CDK14: variants seen among roughly 807,000 people sequenced by gnomAD.
CDK14 encodes cyclin dependent kinase 14.
Under a neutral mutation model 60.7 loss-of-function variants are expected in CDK14, and 34 were observed. That is an observed-to-expected ratio of 0.56 (90% CI 0.43 to 0.75). CDK14 has a LOEUF of 0.75. Among genes scored for constraint, CDK14 ranks in the 30% least tolerant of loss-of-function variants. CDK14 has a pLI of 0.00. For missense variants in CDK14, 482 were observed against 564.1 expected, an observed-to-expected ratio of 0.85 and a Z score of 1.47; for synonymous variants, 197 against 203.7, an observed-to-expected ratio of 0.97 and a Z score of 0.28.
chr7:90,843,591 G>C (rs1471803651), intron 5 of CDK14, among the ~76,000 whole-genome samples: 1 of 152,142 alleles, frequency 6.6e-6, no homozygotes, highest in Non-Finnish European at 1.5e-5. Flanking sequence ...AGTCTCCTTA[G>C]TGCTGGGGCT....
chr7:90,875,302 A>G (rs1791519645), intron 6 of CDK14, among the ~76,000 whole-genome samples: 1 of 152,222 alleles, frequency 6.6e-6, no homozygotes, highest in African/African-American at 2.4e-5. Context: ...GCTGTTGTGA[A>G]TAGTGCTGCT....
intron 9 of CDK14, among the ~76,000 whole-genome samples, chr7:90,973,830 A>G (rs904069100): frequency 3.3e-5 from 5 of 152,140 alleles, no homozygotes. Context: ...GCAAGGGCAA[A>G]ATTAGAATTA....
intron 5 of CDK14, among the ~76,000 whole-genome samples, chr7:90,853,587 A>C (rs1431122381): frequency 6.6e-6 from 1 of 152,184 alleles, no homozygotes; most frequent in Non-Finnish European, 1.5e-5. Flanking sequence ...TGAGAGCCAT[A>C]GCACAGTGAT....
chr7:90,732,553 C>T (rs1401248653), intron 3 of CDK14, among the ~76,000 whole-genome samples: 1 of 152,136 alleles, frequency 6.6e-6, no homozygotes, highest in African/African-American at 2.4e-5. Flanking sequence ...TCTACTTCTT[C>T]CTGGTTTAGT....
chr7:90,912,258 C>A (rs1444602158), intron 7 of CDK14, among the ~76,000 whole-genome samples: 1 of 152,108 alleles, frequency 6.6e-6, no homozygotes, highest in Non-Finnish European at 1.5e-5. Flanking sequence ...AATTTGTCTT[C>A]TCTCATGTTA....
At chr7:90,955,875 G>T in intron 9 of CDK14, 58 bp downstream of exon 9, 1 of 1,593,486 alleles carries the variant, frequency 6.3e-7, no homozygotes, top group Non-Finnish European at 8.6e-7. Context: ...TCTGGGTCAA[G>T]CCTAGACAAA....
chr7:90,956,751 C>T (rs1454355289), intron 9 of CDK14, among the ~76,000 whole-genome samples: 1 of 151,098 alleles, frequency 6.6e-6, no homozygotes, highest in Non-Finnish European at 1.5e-5. Context: ...TCTCCCAATG[C>T]TGTCCCTCCC....
At chr7:90,982,000 C>T (rs749701613) in intron 9 of CDK14, among the ~76,000 whole-genome samples, 4 of 152,124 alleles carry the variant, frequency 2.6e-5, no homozygotes, top group Non-Finnish European at 5.9e-5. Context: ...TCCAGAGTCC[C>T]GGCAGAAGTA....
intron 5 of CDK14, among the ~76,000 whole-genome samples, chr7:90,850,427 C>T (rs1262633918): frequency 6.6e-6 from 1 of 152,110 alleles, no homozygotes; most frequent in East Asian, 1.9e-4. Context: ...GGGATATAGA[C>T]AGGTGGGAAT....
Position 91,008,507 on chromosome 7 carries a change from C to T in CDK14, c.1041+24266C>T, listed in dbSNP as rs953085784. On this transcript the variant is annotated intron_variant, in intron 10 of 14. Coordinates refer to ENST00000380050, the MANE Select transcript of CDK14 (RefSeq NM_001287135.2). ...TTTTGCTCCTTCCTTCCCTCCCTCC[C>T]TTCTTGTATTTGTATTATGTCCCCC... Among the ~76,000 whole-genome samples the T allele has an allele frequency of 2.0e-5, 3 of 152,070 alleles. 1 individual carries two copies. The highest frequency in any genetic ancestry group is 4.4e-5 in the Non-Finnish European group (3 of 67,990).
chr7:91,135,037 A>C (rs1012826927), intron 14 of CDK14, among the ~76,000 whole-genome samples: 1 of 152,114 alleles, frequency 6.6e-6, no homozygotes, highest in Non-Finnish European at 1.5e-5. Context: ...AAAAAAAAGC[A>C]GTGTGTTTCA....
intron 11 of CDK14, among the ~76,000 whole-genome samples, chr7:91,054,088 A>ATTTTTTTT (rs10675646): frequency 6.2e-5 from 7 of 112,936 alleles, no homozygotes; most frequent in South Asian, 5.8e-4. Context: ...CTGCAAAATA[A>ATTTTTTTT]TTTTTTTTTT....
chr7:90,836,081 G>A (rs1216949163), intron 5 of CDK14, among the ~76,000 whole-genome samples: 1 of 152,150 alleles, frequency 6.6e-6, no homozygotes, highest in Non-Finnish European at 1.5e-5. Context: ...CAATGAGTGA[G>A]TAATGAGTGA....
intron 9 of CDK14, among the ~76,000 whole-genome samples, chr7:90,981,559 A>G (rs1449801665): frequency 6.6e-6 from 1 of 152,206 alleles, no homozygotes; most frequent in Non-Finnish European, 1.5e-5. Context: ...TTGTTTATAT[A>G]CAATTGTGAT....
chr7:90,796,669 G>C (rs1788445501), intron 5 of CDK14, among the ~76,000 whole-genome samples: 2 of 152,084 alleles, frequency 1.3e-5, no homozygotes, highest in Admixed American at 1.3e-4. Context: ...TAAGGAGCAG[G>C]ATCTTGTACC....
intron 8 of CDK14, among the ~76,000 whole-genome samples, chr7:90,938,588 A>G (rs946398778): frequency 1.3e-5 from 2 of 152,190 alleles, no homozygotes; most frequent in African/African-American, 4.8e-5. Flanking sequence ...TTTTTAAAAA[A>G]TGAGTCATTT....
At chr7:90,771,223 A>G (rs572938208) in intron 4 of CDK14, among the ~76,000 whole-genome samples, 2 of 152,274 alleles carry the variant, frequency 1.3e-5, no homozygotes, top group African/African-American at 2.4e-5. Context: ...CTATTTAAAC[A>G]AGGATCGGAA....
At chr7:90,971,006 T>C (rs1002870778) in intron 9 of CDK14, among the ~76,000 whole-genome samples, 1 of 152,158 alleles carries the variant, frequency 6.6e-6, no homozygotes, top group African/African-American at 2.4e-5. Context: ...TGTATACATG[T>C]GCCATGTTGC....
chr7:90,921,211 A>G (rs1378990439), intron 8 of CDK14, among the ~76,000 whole-genome samples: 1 of 152,102 alleles, frequency 6.6e-6, no homozygotes, highest in Non-Finnish European at 1.5e-5. Flanking sequence ...TGCTCCTTGT[A>G]TACTGTGGTG....
Sources: gnomAD v4.1 joint callset for allele counts (sites outside exome capture counted in the v4.1 genomes callset) on GRCh38, gnomAD v4.1.1 for gene constraint, MANE v1.5 for transcripts, NCBI Gene and HGNC (gene_info 2026-07-23, HGNC 2026-07-21) for gene names.